Variants in TET1 observed in about 807,000 individuals in gnomAD.
TET1 encodes the protein methylcytosine dioxygenase TET1.
TET1 carries 13 observed loss-of-function variants against 148.7 expected under a neutral mutation model. That is an observed-to-expected ratio of 0.09 (90% CI 0.06 to 0.14). The LOEUF is 0.14. Among genes scored for constraint, TET1 ranks in the 10% least tolerant of loss-of-function variants. The pLI is 1.00. For missense variants in TET1, 2,182 were observed against 2,553.8 expected, an observed-to-expected ratio of 0.85 and a Z score of 3.14; for synonymous variants, 907 against 937.2, an observed-to-expected ratio of 0.97 and a Z score of 0.59.
In TET1 at chr10:68,645,889, A is replaced by C; in HGVS notation, c.3160A>C (p.Ser1054Arg). 1 of 1,614,120 alleles carries C rather than the reference A, an allele frequency of 6.2e-7. No individual in the cohort carries two copies. Among genetic ancestry groups the C allele is most frequent in the Non-Finnish European group, 8.5e-7 (1 of 1,180,022 alleles). Residue 1054 changes from serine (S) to arginine (R), a missense_variant, in exon 4 of 12, where the codon AGC becomes CGC. Coordinates refer to ENST00000373644, the MANE Select transcript of TET1 (RefSeq NM_030625.3). ...EVEYCNQLLD[S>R]SKKLDSDDLS... ...GGAGTATTGCAACCAGTTACTGGAC[A>C]GCAGCAAAAAATTGGACTCAGATGA... is the stretch of plus-strand genomic sequence containing the variant.
At position 68,568,521 on chromosome 10, in the gene TET1, G is replaced by C. The variant is rs143610635; in HGVS notation, c.-122-3696G>C. Among the ~76,000 whole-genome samples, 3 of 152,324 alleles carry C rather than the reference G, an allele frequency of 2.0e-5. No individual in the cohort carries two copies. The East Asian group carries it at 5.8e-4, about 29-fold the overall frequency. The stretch of plus-strand genomic sequence containing the variant: ...CTCCCAAAGTGCTAGGATTACAGGT[G>C]TGAGCCACAGTGCCAGGCCGATGCT... On this transcript the variant is annotated intron_variant, in intron 1 of 11. Transcript: ENST00000373644.
intron 3 of TET1, among the ~76,000 whole-genome samples, chr10:68,640,845 A>G (rs2054742608): frequency 6.6e-6 from 1 of 151,458 alleles, no homozygotes; most frequent in South Asian, 2.1e-4. Context: ...GCCACCACCC[A>G]GCCTAAATAT....
At chr10:68,665,547 T>C (rs1417397762) in intron 6 of TET1, among the ~76,000 whole-genome samples, 2 of 152,198 alleles carry the variant, frequency 1.3e-5, no homozygotes, top group Non-Finnish European at 2.9e-5. Context: ...AATTTTCTAT[T>C]GTACACTGAT....
rs150543016 is a variant in TET1, at chr10:68,646,763, C to T, written c.4034C>T (p.Pro1345Leu). 1,797 of 1,613,990 alleles carry T rather than the reference C, an allele frequency of 1.1e-3. 2 individuals carry two copies. The highest frequency in any genetic ancestry group is 1.4e-3 in the Non-Finnish European group (1,617 of 1,180,032). The change falls in exon 4 of 12, where the codon CCC becomes CTC. Residue 1345 changes from proline to leucine, a missense_variant. Transcript: ENST00000373644. ...PTLPGISHET[P>L]LPESALTLRN... ...TTGCCTGGTATCTCTCATGAAACAC[C>T]CTTACCGGAGTCAGCACTAACTCTC...
chr10:68,568,385 G>A (rs1384925922), intron 1 of TET1, among the ~76,000 whole-genome samples: 3 of 151,918 alleles, frequency 2.0e-5, no homozygotes, highest in African/African-American at 7.3e-5. Flanking sequence ...ACCACGCCCA[G>A]CTACTTTTTG....
Position 68,645,613 on chromosome 10 carries a change from C to A in TET1, c.2884C>A (p.Gln962Lys). 6.2e-7 allele frequency: 1 copy of A among 1,614,170 alleles called. No homozygotes were observed. The change falls in exon 4 of 12, where the codon CAA becomes AAA. Residue 962 changes from glutamine (Q) to lysine (K), a missense_variant. Coordinates refer to ENST00000373644, the MANE Select transcript of TET1 (RefSeq NM_030625.3). ...TAATCACTGTCCATCTTTGGAAAAA[C>A]AAAGTTCATGCAACACGGTGGTTTT... ...KLNHCPSLEK[Q>K]SSCNTVVFNG... is the part of the protein sequence containing the mutation.
chr10:68,676,508 T>C (rs1304789567), intron 8 of TET1, among the ~76,000 whole-genome samples: 1 of 150,124 alleles, frequency 6.7e-6, no homozygotes, highest in African/African-American at 2.5e-5. Flanking sequence ...TCTCTTGACC[T>C]TGTGATCCGC....
intron 3 of TET1, among the ~76,000 whole-genome samples, chr10:68,637,214 G>A (rs939740685): frequency 6.6e-6 from 1 of 152,006 alleles, no homozygotes; most frequent in African/African-American, 2.4e-5. Flanking sequence ...GGTCAGGCTG[G>A]TCTCGAACTC....
At chr10:68,571,685 A>T (rs947368095) in intron 1 of TET1, among the ~76,000 whole-genome samples, 1 of 151,852 alleles carries the variant, frequency 6.6e-6, no homozygotes, top group Non-Finnish European at 1.5e-5. Flanking sequence ...GGCATGAGCC[A>T]CCGCACCTGG....
At chr10:68,568,558 A>G (rs1481990500) in intron 1 of TET1, among the ~76,000 whole-genome samples, 1 of 152,142 alleles carries the variant, frequency 6.6e-6, no homozygotes. Flanking sequence ...TGATCTTGAG[A>G]GAGACTGTTG....
rs565213903 is a variant in TET1 at position 68,565,982 on chromosome 10, C to G, written c.-123+5240C>G. Reference sequence around the variant, plus strand: ...TCTTCGCAATCCATGTTGTTCATACCTTTTCTATTTCCTTGACAGGCTGTT... The same window carrying G: ...TCTTCGCAATCCATGTTGTTCATACGTTTTCTATTTCCTTGACAGGCTGTT... On this transcript the variant is annotated intron_variant, in intron 1 of 11. Transcript: ENST00000373644. 1.4e-4 allele frequency among the ~76,000 whole-genome samples: 21 copies of G among 152,238 alleles called. 1 individual carries two copies. The South Asian group carries it at 2.3e-3, about 17-fold the overall frequency.
At chr10:68,606,473 G>A (rs984111352) in intron 3 of TET1, among the ~76,000 whole-genome samples, 1 of 152,058 alleles carries the variant, frequency 6.6e-6, no homozygotes, top group African/African-American at 2.4e-5. Context: ...ATAAATCATT[G>A]GTAAAGTAAT....
intron 1 of TET1, among the ~76,000 whole-genome samples, chr10:68,571,182 GT>G (rs990100601): frequency 2.6e-5 from 4 of 151,624 alleles, no homozygotes; most frequent in Non-Finnish European, 4.4e-5. Flanking sequence ...TAGAGACAGG[GT>G]TTTGACACGT....
chr10:68,563,250 G>T (rs2053573511), intron 1 of TET1, among the ~76,000 whole-genome samples: 1 of 152,156 alleles, frequency 6.6e-6, no homozygotes, highest in Admixed American at 6.5e-5. Flanking sequence ...TCCCTGAACA[G>T]CTTTTACATG....
intron 2 of TET1, among the ~76,000 whole-genome samples, chr10:68,587,279 C>T (rs576572787): frequency 6.6e-6 from 1 of 152,130 alleles, no homozygotes; most frequent in Admixed American, 6.5e-5. Context: ...GATCAAGGGA[C>T]GAGGAAGTGG....
In TET1 at chr10:68,646,480, G is replaced by A. The variant is rs1308057153; in HGVS notation, c.3751G>A (p.Ala1251Thr). 18 of 1,614,034 alleles carry A rather than the reference G, an allele frequency of 1.1e-5. No individual in the cohort carries two copies. Among genetic ancestry groups the A allele is most frequent in the African/African-American group, 4.0e-5 (3 of 74,920 alleles). Residue 1251 changes from alanine (A) to threonine (T), a missense_variant, in exon 4 of 12, where the codon GCA becomes ACA. Physicochemically the swap from Ala to Thr is moderately conservative, Grantham distance 58. This residue lies in a region of TET1 where 582 missense variants were observed against 599.5 expected (regional missense o/e 0.97). Transcript: ENST00000373644. The part of the protein sequence containing the change: ...QIKLQRYPES[A>T]EEKVKVEPLD... The stretch of plus-strand genomic sequence containing the variant: ...AAAATTACAGAGATATCCTGAATCA[G>A]CAGAGGAAAAGGTGAAGGTTGAACC...
rs182184152 is a variant in TET1 at position 68,663,830 on chromosome 10, A to T, written c.4462-3215A>T. Among the ~76,000 whole-genome samples, 5 of 152,322 alleles carry T rather than the reference A, an allele frequency of 3.3e-5. No homozygotes were observed. The East Asian group carries it at 9.6e-4, about 29-fold the overall frequency. On this transcript the variant is annotated intron_variant, in intron 6 of 11. Coordinates refer to ENST00000373644, the MANE Select transcript of TET1 (RefSeq NM_030625.3). ...CTTGGTTTTTCTGTTTCCTATATGCATGTGACATGACTAGAAGCCAAATTT... is the reference window on the plus strand; with the variant it reads ...CTTGGTTTTTCTGTTTCCTATATGCTTGTGACATGACTAGAAGCCAAATTT...
intron 3 of TET1, 40 bp from the exon 4 acceptor site, chr10:68,644,658 T>A: frequency 2.7e-6 from 4 of 1,509,322 alleles, no homozygotes; most frequent in Non-Finnish European, 3.5e-6. Flanking sequence ...GTTATTCAGA[T>A]ATTTAAGTAG....
chr10:68,583,781 C>G (rs1224912215), intron 2 of TET1, among the ~76,000 whole-genome samples: 2 of 152,038 alleles, frequency 1.3e-5, no homozygotes, highest in African/African-American at 4.8e-5. Flanking sequence ...CATGATGGCG[C>G]GTGTCTGTAG....
Sources: gnomAD v4.1 joint callset for allele counts (sites outside exome capture counted in the v4.1 genomes callset) on GRCh38, gnomAD v4.1.1 for gene constraint, gnomAD v4.1.1 regional missense constraint, MANE v1.5 for transcripts, NCBI Gene and HGNC (gene_info 2026-07-23, HGNC 2026-07-21) for gene names.